Variants in EML1 observed in about 807,000 individuals in gnomAD.
The protein encoded by EML1 is echinoderm microtubule-associated protein-like 1.
In EML1, 27 loss-of-function variants were observed where a neutral mutation model predicts 110.4. The ratio of observed to expected loss-of-function variants is 0.24; its 90% CI spans 0.18 to 0.34. EML1 has a LOEUF of 0.34. EML1 is among the 10% of genes least tolerant of loss of function. The probability of loss-of-function intolerance (pLI) is 1.00; values close to 1 mark genes in which losing one functional copy is unlikely to be tolerated. For missense variants in EML1, 741 were observed against 1,030.9 expected (o/e 0.72, Z 3.85); for synonymous variants, 344 against 385.8 (o/e 0.89, Z 1.27).
intron 1 of EML1, among the ~76,000 whole-genome samples, chr14:99,845,828 A>C (rs1391497833): frequency 6.6e-6 from 1 of 152,114 alleles, no homozygotes; most frequent in Non-Finnish European, 1.5e-5. Context: ...AGGTGGTTGG[A>C]TCACCTGAGG....
At chr14:99,918,435 CT>C (rs1355783123) in intron 16 of EML1, among the ~76,000 whole-genome samples, 1 of 152,208 alleles carries the variant, frequency 6.6e-6, no homozygotes, top group African/African-American at 2.4e-5. Flanking sequence ...ATTTGTGGAG[CT>C]TCTCAAGCCC....
At position 99,785,335 on chromosome 14, in the gene EML1, G is replaced by A. The variant is rs556844902; in HGVS notation, c.-27+11322G>A. ...CTCCCAAAGTGTTGGGATTACAGGC[G>A]TTAGCCACCGCGCCCAGCCTCCTTT... is the stretch of plus-strand genomic sequence containing the variant. On this transcript the variant is annotated intron_variant, in intron 1 of 22. Coordinates refer to the EML1 transcript ENST00000327921. Among the ~76,000 whole-genome samples, 170 of 152,288 alleles carry A rather than the reference G, an allele frequency of 1.1e-3. 3 individuals carry two copies. Among genetic ancestry groups the A allele is most frequent in the Middle Eastern group, 3.4e-3 (1 of 294 alleles).
chr14:99,904,626 C>T (rs749030524), intron 9 of EML1, among the ~76,000 whole-genome samples: 1 of 152,130 alleles, frequency 6.6e-6, no homozygotes, highest in Non-Finnish European at 1.5e-5. Flanking sequence ...AATACACAGA[C>T]AGAAAATAAA....
At chr14:99,817,998 G>A (rs953458764) in intron 1 of EML1, among the ~76,000 whole-genome samples, 1 of 152,146 alleles carries the variant, frequency 6.6e-6, no homozygotes, top group African/African-American at 2.4e-5. Flanking sequence ...TAAAGAAGAT[G>A]GGGGAGGTGT....
chr14:99,802,299 C>A (rs1468123438), intron 1 of EML1, among the ~76,000 whole-genome samples: 5 of 152,150 alleles, frequency 3.3e-5, no homozygotes, highest in African/African-American at 1.2e-4. Flanking sequence ...GTTTGGTCTT[C>A]TTCCTAGGAG....
intron 9 of EML1, among the ~76,000 whole-genome samples, chr14:99,902,935 G>A (rs1483918383): frequency 6.6e-6 from 1 of 152,146 alleles, no homozygotes; most frequent in Non-Finnish European, 1.5e-5. Context: ...ATTCCTTAAA[G>A]GAAAGCATGC....
chr14:99,809,935 T>C (rs2058046933), intron 1 of EML1, among the ~76,000 whole-genome samples: 1 of 152,206 alleles, frequency 6.6e-6, no homozygotes, highest in Non-Finnish European at 1.5e-5. Context: ...TTCAAAAACA[T>C]TTCAGGCCCC....
intron 1 of EML1, among the ~76,000 whole-genome samples, chr14:99,767,913 AC>A (rs147917614): frequency 6.6e-6 from 1 of 151,558 alleles, no homozygotes; most frequent in Admixed American, 6.6e-5. Context: ...TATTCTGAAC[AC>A]CCCCCACACT....
At position 99,941,508 on chromosome 14, in the gene EML1, T is replaced by C. The variant is rs2060588295; in HGVS notation, c.*1396T>C. On this transcript the variant is annotated 3_prime_UTR_variant, in exon 22 of 22. Transcript: ENST00000262233. Reference sequence around the variant, plus strand: ...TTTGTATGTATCCTTGTCAAATATATTCTATAATGAAATAAAATCTGAAAA... The same window carrying C: ...TTTGTATGTATCCTTGTCAAATATACTCTATAATGAAATAAAATCTGAAAA... The C allele has an allele frequency of 1.3e-5, 2 of 152,240 alleles. No homozygotes were observed. Among genetic ancestry groups the C allele is most frequent in the Admixed American group, 1.3e-4 (2 of 15,284 alleles). 9.4% of individuals were successfully genotyped at this position (152,240 alleles called of 1,614,324 possible). A position where few individuals can be genotyped will look rare whatever the true frequency, so the allele number is the denominator to read the frequency against.
intron 1 of EML1, among the ~76,000 whole-genome samples, chr14:99,804,910 T>C (rs1235930676): frequency 6.6e-6 from 1 of 152,194 alleles, no homozygotes; most frequent in African/African-American, 2.4e-5. Flanking sequence ...TGCCACCTGC[T>C]TCCCTGACCC....
intron 1 of EML1, among the ~76,000 whole-genome samples, chr14:99,826,105 A>AT (rs71113225): frequency 0.058 from 4,640 of 79,964 alleles, 330 homozygotes; most frequent in African/African-American, 0.11. Flanking sequence ...CTGTGCATTG[A>AT]TTTTTTTTTT....
intron 1 of EML1, among the ~76,000 whole-genome samples, chr14:99,782,076 C>A (rs2057545918): frequency 6.6e-6 from 1 of 152,186 alleles, no homozygotes; most frequent in East Asian, 1.9e-4. Context: ...GCACTGTTAT[C>A]CTACCTGTCC....
intron 1 of EML1, among the ~76,000 whole-genome samples, chr14:99,774,387 G>A (rs2057459436): frequency 6.6e-6 from 1 of 152,138 alleles, no homozygotes; most frequent in Non-Finnish European, 1.5e-5. Flanking sequence ...ACCTGGTTTG[G>A]CCATGGCGAT....
At chr14:99,737,930 C>T in intron 1 of EML1, 1 of 1,271,050 alleles carries the variant, frequency 7.9e-7, no homozygotes, top group Non-Finnish European at 1.0e-6. Flanking sequence ...TCGCCGAGGG[C>T]ACTGGGGCCC....
At chr14:99,913,110 T>G (rs1252937930) in intron 13 of EML1, among the ~76,000 whole-genome samples, 1 of 152,226 alleles carries the variant, frequency 6.6e-6, no homozygotes, top group African/African-American at 2.4e-5. Context: ...ATTTTTAAAC[T>G]GAACAGAATG....
chr14:99,738,878 G>A (rs1027447377), intron 1 of EML1, among the ~76,000 whole-genome samples: 15 of 152,112 alleles, frequency 9.9e-5, no homozygotes, highest in South Asian at 4.1e-4. Context: ...ACCGATTGTC[G>A]CTGGCACGTG....
chr14:99,765,817 C>A (rs2057362946), intron 1 of EML1, among the ~76,000 whole-genome samples: 1 of 151,960 alleles, frequency 6.6e-6, no homozygotes, highest in South Asian at 2.1e-4. Flanking sequence ...GTTTATCAGG[C>A]TGCTCTTGAA....
chr14:99,918,762 C>G (rs1463841903), intron 16 of EML1, among the ~76,000 whole-genome samples: 1 of 152,114 alleles, frequency 6.6e-6, no homozygotes, highest in Admixed American at 6.5e-5. Flanking sequence ...CTGCATCGCA[C>G]TATGATTGCA....
chr14:99,783,439 A>C (rs1423982508), intron 1 of EML1, among the ~76,000 whole-genome samples: 1 of 151,472 alleles, frequency 6.6e-6, no homozygotes, highest in Non-Finnish European at 1.5e-5. Context: ...GGATGGCCAT[A>C]CAATTTATCA....
Sources: gnomAD v4.1 joint callset for allele counts (sites outside exome capture counted in the v4.1 genomes callset) on GRCh38, gnomAD v4.1.1 for gene constraint, MANE v1.5 for transcripts, NCBI Gene and HGNC (gene_info 2026-07-23, HGNC 2026-07-21) for gene names.